Variants in MYOM2 observed in about 807,000 individuals in gnomAD.
MYOM2 encodes myomesin-2.
A neutral mutation model predicts 187.6 loss-of-function variants in MYOM2; 254 were observed. The observed-to-expected ratio is 1.35, with a 90% CI of 1.22 to 1.50. MYOM2 has a LOEUF of 1.50. MYOM2 is among the 40% of genes most tolerant of loss of function. MYOM2 has a pLI of 0.00. For missense variants in MYOM2, 2,796 were observed against 1,924.0 expected (o/e 1.45, Z -8.48); for synonymous variants, 981 against 753.8 (o/e 1.30, Z -4.94).
At chr8:2,078,987 G>A (rs1819530639) in intron 12 of MYOM2, 54 bp downstream of exon 12, 2 of 1,566,090 alleles carry the variant, frequency 1.3e-6, no homozygotes, top group South Asian at 2.2e-5. Flanking sequence ...TGGCTGTTTT[G>A]TGTGTGATTT....
intron 5 of MYOM2, 72 bp from the exon 6 acceptor site, chr8:2,059,081 A>T: frequency 1.2e-5 from 15 of 1,290,912 alleles, no homozygotes; most frequent in Non-Finnish European, 1.7e-5. Context: ...GGCGCGGGGG[A>T]GCTGGGGCAG....
chr8:2,057,523 C>T (rs371819051), intron 4 of MYOM2, 37 bp downstream of exon 4: 26 of 1,613,448 alleles, frequency 1.6e-5, no homozygotes, highest in East Asian at 4.5e-5. Context: ...GTCTGGGAAG[C>T]GTGGACTAGA....
intron 3 of MYOM2, among the ~76,000 whole-genome samples, chr8:2,055,297 T>C (rs1165425188): frequency 6.6e-6 from 1 of 152,070 alleles, no homozygotes; most frequent in African/African-American, 2.4e-5. Flanking sequence ...AGGAGGAGGA[T>C]GAGGACGTAT....
chr8:2,063,881 C>A (rs184378022), intron 6 of MYOM2, among the ~76,000 whole-genome samples: 73 of 152,364 alleles, frequency 4.8e-4, no homozygotes, highest in Non-Finnish European at 4.6e-4. Flanking sequence ...AGAGAAGACT[C>A]TCTCCATCTA....
At chr8:2,113,256 T>C (rs1331397403) in intron 25 of MYOM2, among the ~76,000 whole-genome samples, 1 of 152,174 alleles carries the variant, frequency 6.6e-6, no homozygotes, top group East Asian at 1.9e-4. Context: ...TTAGGATGAG[T>C]CACACACTGG....
intron 32 of MYOM2, among the ~76,000 whole-genome samples, chr8:2,130,073 A>G (rs980874577): frequency 6.6e-6 from 1 of 152,036 alleles, no homozygotes; most frequent in Non-Finnish European, 1.5e-5. Context: ...GCCCGTCAGT[A>G]CACTGTACCC....
chr8:2,066,364 A>G (rs950940737), intron 6 of MYOM2, among the ~76,000 whole-genome samples: 2 of 152,152 alleles, frequency 1.3e-5, no homozygotes, highest in Non-Finnish European at 2.9e-5. Context: ...GCTCACTTCC[A>G]TATACTCTGG....
chr8:2,140,973 A>G (rs3736659), intron 33 of MYOM2, 87 bp downstream of exon 33: 1,020,589 of 1,380,162 alleles, frequency 0.74, 378,909 homozygotes, highest in African/African-American at 0.91. Flanking sequence ...TATGAATACA[A>G]GAGACAATAT....
chr8:2,137,072 C>T (rs113701083), intron 32 of MYOM2, among the ~76,000 whole-genome samples: 2 of 151,676 alleles, frequency 1.3e-5, no homozygotes, highest in Non-Finnish European at 2.9e-5. Context: ...CTCTCTTTCT[C>T]ACACACACAC....
At chr8:2,056,832 C>T (rs771693784) in intron 3 of MYOM2, among the ~76,000 whole-genome samples, 15 of 152,140 alleles carry the variant, frequency 9.9e-5, no homozygotes, top group Admixed American at 2.0e-4. Flanking sequence ...AGCATCAAGC[C>T]GTTTATCGGA....
chr8:2,125,583 C>T (rs982493222), intron 31 of MYOM2, among the ~76,000 whole-genome samples: 1 of 145,700 alleles, frequency 6.9e-6, no homozygotes, highest in Admixed American at 6.9e-5. Context: ...TAGTTGCATA[C>T]GACTTTTAGG....
chr8:2,131,870 C>T (rs763225231), intron 32 of MYOM2, among the ~76,000 whole-genome samples: 8 of 152,082 alleles, frequency 5.3e-5, no homozygotes, highest in African/African-American at 1.7e-4. Context: ...GCCTCAATCT[C>T]CTGACCTCGT....
chr8:2,047,353 A>G (rs1323747952), intron 1 of MYOM2, among the ~76,000 whole-genome samples: 1 of 152,102 alleles, frequency 6.6e-6, no homozygotes, highest in African/African-American at 2.4e-5. Flanking sequence ...AGGAGTGAAG[A>G]GATTGCGGAG....
chr8:2,128,225 T>A (rs1234589490), intron 31 of MYOM2, among the ~76,000 whole-genome samples: 1 of 152,222 alleles, frequency 6.6e-6, no homozygotes, highest in Non-Finnish European at 1.5e-5. Flanking sequence ...TAGGAATATG[T>A]TCTTTGAACT....
chr8:2,060,698 C>T (rs891412950), intron 6 of MYOM2, among the ~76,000 whole-genome samples: 5 of 152,160 alleles, frequency 3.3e-5, no homozygotes, highest in African/African-American at 1.2e-4. Flanking sequence ...ATTGATCATC[C>T]TGCCTCCCCT....
At chr8:2,046,416 G>A (rs1402802885) in intron 1 of MYOM2, among the ~76,000 whole-genome samples, 1 of 152,234 alleles carries the variant, frequency 6.6e-6, no homozygotes, top group East Asian at 1.9e-4. Context: ...GTGGAAAGTG[G>A]GCTGGACGCT....
At chr8:2,070,946 G>A (rs1302816253) in intron 8 of MYOM2, among the ~76,000 whole-genome samples, 1 of 152,012 alleles carries the variant, frequency 6.6e-6, no homozygotes, top group Admixed American at 6.6e-5. Context: ...ATTGGCAGTG[G>A]CTTTTTAAAT....
intron 32 of MYOM2, among the ~76,000 whole-genome samples, chr8:2,139,421 G>C (rs77395128): frequency 0.014 from 2,181 of 152,306 alleles, 38 homozygotes; most frequent in East Asian, 0.045. Context: ...GGTTACAGGT[G>C]TGAGCCACCA....
rs556687667 is a variant in MYOM2, at chr8:2,134,478, T to C, written c.3800+5246T>C. ...TTTTCTCTTGGTAATTAGTAAATAC[T>C]TCAGGACTTGGCAAGTCTCTTGTCC... On this transcript the variant is annotated intron_variant, in intron 32 of 36. Coordinates refer to ENST00000262113, the MANE Select transcript of MYOM2 (RefSeq NM_003970.4). 3.9e-3 allele frequency among the ~76,000 whole-genome samples: 587 copies of C among 151,308 alleles called. 4 individuals carry two copies. The highest frequency in any genetic ancestry group is 0.014 in the African/African-American group (572 of 40,812).
Sources: allele counts gnomAD v4.1 joint callset (sites outside exome capture counted in the v4.1 genomes callset), GRCh38; gene constraint gnomAD v4.1.1; transcripts MANE v1.5; gene names NCBI Gene and HGNC (gene_info 2026-07-23, HGNC 2026-07-21).